Variants in SYNE1 observed in about 807,000 individuals in gnomAD.
SYNE1 encodes nesprin-1.
A neutral mutation model predicts 1,111.0 loss-of-function variants in SYNE1; 616 were observed. That is an observed-to-expected ratio of 0.55 (90% CI 0.52 to 0.59). The LOEUF (loss-of-function observed/expected upper bound fraction) is 0.59, where lower values mean the gene tolerates loss of function less well. SYNE1 is among the 20% of genes least tolerant of loss of function. SYNE1 has a pLI of 0.00. For missense variants in SYNE1, 10,006 were observed against 10,417.0 expected (o/e 0.96, Z 1.72); for synonymous variants, 3,855 against 3,825.8 (o/e 1.01, Z -0.28).
In SYNE1 at chr6:152,220,827, A is replaced by T; in HGVS notation, c.21861+15T>A. ...GAAGGGCATGTGGGGAAAACAAGGT[A>T]GCTCCTGAACATACGTTGCAATCTT... On this transcript the variant is annotated intron_variant, in intron 119 of 145. Transcript: ENST00000367255. 1 of 1,611,626 alleles carries T rather than the reference A, an allele frequency of 6.2e-7. No homozygotes were observed. Among genetic ancestry groups the T allele is most frequent in the Non-Finnish European group, 8.5e-7 (1 of 1,178,676 alleles).
At chr6:152,281,719 A>G in intron 97 of SYNE1, 88 bp downstream of exon 97, 1 of 1,426,726 alleles carries the variant, frequency 7.0e-7, no homozygotes, top group Non-Finnish European at 9.8e-7. Flanking sequence ...TCATATATCC[A>G]CACCAAGCCT....
chr6:152,373,767 G>T (rs2097230404), intron 58 of SYNE1, among the ~76,000 whole-genome samples: 1 of 152,144 alleles, frequency 6.6e-6, no homozygotes, highest in South Asian at 2.1e-4. Context: ...AAATAATCAG[G>T]AGAAGAAATG....
chr6:152,596,268 TTG>T (rs1293411991), intron 3 of SYNE1, among the ~76,000 whole-genome samples: 19,069 of 99,646 alleles, frequency 0.19, 1,411 homozygotes, highest in Admixed American at 0.27. Context: ...TTTTGTTTGT[TTG>T]TTTTTTTTTT....
chr6:152,542,116 G>A (rs1409015585), intron 3 of SYNE1, among the ~76,000 whole-genome samples: 7 of 152,060 alleles, frequency 4.6e-5, no homozygotes, highest in African/African-American at 9.7e-5. Context: ...TCAATCCCTC[G>A]CCCTTTGAGG....
intron 77 of SYNE1, 27 bp from the exon 78 acceptor site, chr6:152,331,917 G>C (rs762687135): frequency 7.5e-6 from 12 of 1,606,030 alleles, no homozygotes; most frequent in Non-Finnish European, 9.3e-6. Flanking sequence ...AGGTATAAGA[G>C]CAAATTAGCT....
intron 59 of SYNE1, among the ~76,000 whole-genome samples, chr6:152,372,817 A>C (rs2097211760): frequency 6.6e-6 from 1 of 152,196 alleles, no homozygotes; most frequent in African/African-American, 2.4e-5. Context: ...GTCAGTGACA[A>C]TAGACCCTAA....
rs1401338357 is a variant in SYNE1 at position 152,237,463 on chromosome 6, C to T, written c.20068-515G>A. ...TAGCTGGGACCACAGGCGCATTCCA[C>T]CACACCAGGCTAACTTAAAAAAAAT... On this transcript the variant is annotated intron_variant, in intron 108 of 145. Coordinates refer to ENST00000367255, the MANE Select transcript of SYNE1 (RefSeq NM_182961.4). Among the ~76,000 whole-genome samples the T allele has an allele frequency of 7.3e-5, 11 of 151,522 alleles. 1 individual carries two copies. Among genetic ancestry groups the T allele is most frequent in the African/African-American group, 2.4e-4 (10 of 40,982 alleles).
At chr6:152,232,370 A>T in intron 112 of SYNE1, 105 bp from the exon 113 acceptor site, 1 of 1,235,482 alleles carries the variant, frequency 8.1e-7, no homozygotes. Context: ...ACCAAGAGAG[A>T]TAACACTCCT....
chr6:152,616,504 A>T (rs934539605), intron 3 of SYNE1, among the ~76,000 whole-genome samples: 1 of 152,012 alleles, frequency 6.6e-6, no homozygotes, highest in Non-Finnish European at 1.5e-5. Context: ...TGAGCCCAGG[A>T]GGTTGAGGCT....
chr6:152,447,964 T>C (rs2098606808), intron 28 of SYNE1, among the ~76,000 whole-genome samples: 1 of 152,200 alleles, frequency 6.6e-6, no homozygotes, highest in Admixed American at 6.5e-5. Context: ...CACTTTGTTA[T>C]CTCACTTCCT....
rs1346737389 is a variant in SYNE1 at position 152,136,661 on chromosome 6, T to C, written c.25616A>G (p.Glu8539Gly). 1 of 1,613,976 alleles carries C rather than the reference T, an allele frequency of 6.2e-7. No homozygotes were observed. The highest frequency in any genetic ancestry group is 1.3e-5 in the African/African-American group (1 of 74,916). The change falls in exon 141 of 146, where the codon GAG becomes GGG. Residue 8539 changes from glutamate (E) to glycine (G), a missense_variant. This residue lies in a region of SYNE1 where 761 missense variants were observed against 795.5 expected (regional missense o/e 0.96). Transcript: ENST00000367255. ...ATCCTGCAGCAGGCCCCGCCACTCC[T>C]CCAGCAGAGAGCACACTCGGTCCCA... is the stretch of plus-strand genomic sequence containing the variant. ...GRWDRVCSLL[E>G]EWRGLLQDAL... is the part of the protein sequence containing the mutation.
chr6:152,214,949 G>A lies in SYNE1; in HGVS notation c.22303C>T (p.Arg7435Cys), dbSNP rs371642308. The A allele has an allele frequency of 2.3e-4, 368 of 1,614,090 alleles. 1 individual carries two copies. Among genetic ancestry groups the A allele is most frequent in the South Asian group, 7.2e-4 (66 of 91,084 alleles). Residue 7435 changes from arginine to cysteine, a missense_variant, in exon 122 of 146, where the codon CGC becomes TGC. Arg to Cys is a radical substitution (Grantham distance 180). Transcript: ENST00000367255. ...TGAGAGGAGATCAGAGACCAATGGC[G>A]GTTCAGATTCTGCATTCTTTTGATT... ...KEIKRMQNLN[R>C]HWSLISSQTT...
At chr6:152,342,931 C>T (rs1233908890) in intron 74 of SYNE1, among the ~76,000 whole-genome samples, 83 of 152,084 alleles carry the variant, frequency 5.5e-4, no homozygotes, top group Admixed American at 5.4e-3. Flanking sequence ...ATGCAAGAAG[C>T]TAGTATTACT....
At chr6:152,284,763 C>T (rs928797475) in intron 95 of SYNE1, among the ~76,000 whole-genome samples, 1 of 151,920 alleles carries the variant, frequency 6.6e-6, no homozygotes, top group Admixed American at 6.6e-5. Flanking sequence ...CTAAGAGTCT[C>T]CAATACAACG....
chr6:152,256,741 A>C lies in SYNE1; in HGVS notation c.18997T>G (p.Leu6333Val). The part of the protein sequence containing the change: ...QVLYSRPNRL[L>V]SGVPLYKGDV... ...CCTTTGTACAGTGGCACACCAGACA[A>C]GAGTCGATTTGGCCTGCTATAAAGC... is the stretch of plus-strand genomic sequence containing the variant. Residue 6333 changes from leucine to valine, a missense_variant, in exon 102 of 146, where the codon TTG (leucine) becomes GTG (valine). By Grantham distance (32) the Leu-to-Val change is conservative (BLOSUM62 1). Transcript: ENST00000367255. 1 of 1,613,954 alleles carries C rather than the reference A, an allele frequency of 6.2e-7. No individual in the cohort carries two copies.
intron 3 of SYNE1, among the ~76,000 whole-genome samples, chr6:152,585,012 C>T (rs956315008): frequency 2.6e-5 from 4 of 152,134 alleles, no homozygotes; most frequent in Non-Finnish European, 4.4e-5. Context: ...GTAATCCCTA[C>T]GTGTCATGAG....
chr6:152,299,840 T>C lies in SYNE1; in HGVS notation c.17682+801A>G, dbSNP rs2095079056. 5.9e-5 allele frequency among the ~76,000 whole-genome samples: 9 copies of C among 152,176 alleles called. 1 individual carries two copies. Among genetic ancestry groups the C allele is most frequent in the Admixed American group, 4.6e-4 (7 of 15,274 alleles). On this transcript the variant is annotated intron_variant, in intron 93 of 145. Transcript: ENST00000367255. ...AATGCTTCTCCCTTAATAATACATA[T>C]CAACTTCTTTGAAAAAATGTAATTT...
At chr6:152,539,197 A>G (rs73010944) in intron 4 of SYNE1, among the ~76,000 whole-genome samples, 255 of 152,318 alleles carry the variant, frequency 1.7e-3, no homozygotes, top group South Asian at 3.3e-3. Flanking sequence ...GAGAGTCAAC[A>G]TAACTTCCAC....
chr6:152,318,858 C>A lies in SYNE1; in HGVS notation c.16389+5G>T. The A allele has an allele frequency of 1.2e-6, 2 of 1,614,068 alleles. No homozygotes were observed. Among genetic ancestry groups the A allele is most frequent in the Non-Finnish European group, 1.7e-6 (2 of 1,179,978 alleles). On this transcript the variant is annotated splice_donor_5th_base_variant and intron_variant, in intron 85 of 145. Coordinates refer to ENST00000367255, the MANE Select transcript of SYNE1 (RefSeq NM_182961.4). ...AGTAGTACCCTTTAAAATTCTACTT[C>A]TTACCTTTTGGTCAGTTTTAGCTTG...
Sources: allele counts gnomAD v4.1 joint callset (sites outside exome capture counted in the v4.1 genomes callset), GRCh38; gene constraint gnomAD v4.1.1; regional missense constraint gnomAD v4.1.1; transcripts MANE v1.5; gene names NCBI Gene and HGNC (gene_info 2026-07-23, HGNC 2026-07-21).